Variants in PREX2 observed in about 807,000 individuals in gnomAD.
The protein encoded by PREX2 is phosphatidylinositol-3,4,5-trisphosphate dependent Rac exchange factor 2.
PREX2 carries 107 observed loss-of-function variants against 203.2 expected under a neutral mutation model. The observed-to-expected ratio is 0.53, with a 90% CI of 0.45 to 0.62. PREX2 has a LOEUF of 0.62. Among genes scored for constraint, PREX2 ranks in the 20% least tolerant of loss-of-function variants. The pLI is 0.00. For missense variants in PREX2, 1,777 were observed against 1,955.9 expected (o/e 0.91, Z 1.72); for synonymous variants, 672 against 663.6 (o/e 1.01, Z -0.19).
intron 2 of PREX2, 98 bp from the exon 3 acceptor site, chr8:68,019,451 A>T (rs1807499519): frequency 1.1e-6 from 1 of 928,662 alleles, no homozygotes; most frequent in Non-Finnish European, 1.6e-6. Flanking sequence ...GAAGGCATGG[A>T]TGTATGGTTT....
At chr8:67,971,581 A>G (rs1418116647) in intron 1 of PREX2, among the ~76,000 whole-genome samples, 1 of 152,192 alleles carries the variant, frequency 6.6e-6, no homozygotes, top group Non-Finnish European at 1.5e-5. Flanking sequence ...AGAATGAATG[A>G]TGAGAAGAGA....
intron 6 of PREX2, among the ~76,000 whole-genome samples, chr8:68,036,477 T>C (rs1199620158): frequency 6.6e-6 from 1 of 152,160 alleles, no homozygotes; most frequent in African/African-American, 2.4e-5. Context: ...CAGGGTTGGC[T>C]TATATGGGTC....
chr8:68,161,113 G>C (rs530450271), intron 35 of PREX2, among the ~76,000 whole-genome samples: 16 of 150,806 alleles, frequency 1.1e-4, no homozygotes, highest in Admixed American at 9.9e-4. Flanking sequence ...TTTTGGGGGG[G>C]GGACAGAGTC....
At chr8:68,227,377 C>T (rs1159517946) in intron 39 of PREX2, among the ~76,000 whole-genome samples, 2 of 152,110 alleles carry the variant, frequency 1.3e-5, no homozygotes, top group South Asian at 4.1e-4. Context: ...TGGTTCTTTC[C>T]TCTGAGACAG....
chr8:67,984,027 A>G (rs925129272), intron 1 of PREX2, among the ~76,000 whole-genome samples: 1 of 151,818 alleles, frequency 6.6e-6, no homozygotes, highest in Admixed American at 6.6e-5. Context: ...CATGCCTCTG[A>G]TCCTGCTATT....
chr8:68,108,199 A>G lies in PREX2; in HGVS notation c.2806A>G (p.Thr936Ala). 6.2e-7 allele frequency: 1 copy of G among 1,614,020 alleles called. No individual in the cohort carries two copies. The highest frequency in any genetic ancestry group is 8.5e-7 in the Non-Finnish European group (1 of 1,179,920). Reference protein sequence around the residue: ...SPLHSSDFCPTNCHVNVMEVS... With the variant: ...SPLHSSDFCPANCHVNVMEVS... ...ACTGCACAGCAGTGATTTCTGCCCTACCAACTGCCATGTCAATGTGATGGA... is the reference window on the plus strand; with the variant it reads ...ACTGCACAGCAGTGATTTCTGCCCTGCCAACTGCCATGTCAATGTGATGGA... The change falls in exon 24 of 40, where the codon ACC (threonine) becomes GCC (alanine). Residue 936 changes from threonine to alanine, a missense_variant. By Grantham distance (58) the Thr-to-Ala change is moderately conservative (BLOSUM62 0). Transcript: ENST00000288368.
intron 1 of PREX2, among the ~76,000 whole-genome samples, chr8:68,009,826 T>C (rs1043135916): frequency 6.6e-6 from 1 of 152,246 alleles, no homozygotes; most frequent in Non-Finnish European, 1.5e-5. Flanking sequence ...TGTAAAGAGT[T>C]GGTAGCACCT....
intron 10 of PREX2, among the ~76,000 whole-genome samples, chr8:68,056,473 G>C (rs1202682461): frequency 6.6e-6 from 1 of 152,132 alleles, no homozygotes. Flanking sequence ...GCAAGCAATA[G>C]GCAGAGAGGT....
intron 25 of PREX2, among the ~76,000 whole-genome samples, chr8:68,111,349 A>G (rs1449676837): frequency 1.3e-5 from 2 of 152,214 alleles, no homozygotes; most frequent in Admixed American, 6.5e-5. Flanking sequence ...TTGACGATCT[A>G]GCACTGCCTC....
intron 7 of PREX2, among the ~76,000 whole-genome samples, chr8:68,042,318 G>GT (rs1252066374): frequency 1.3e-5 from 2 of 152,062 alleles, no homozygotes; most frequent in East Asian, 1.9e-4. Flanking sequence ...GGAGAAACTA[G>GT]TTTTTTAAAA....
At chr8:68,090,472 C>G (rs1054312353) in intron 19 of PREX2, 107 bp from the exon 20 acceptor site, 15 of 971,768 alleles carry the variant, frequency 1.5e-5, no homozygotes, top group Non-Finnish European at 2.1e-5. Flanking sequence ...ATTATACTAG[C>G]TAGACTTTGA....
At chr8:68,119,613 G>T (rs1810726776) in intron 28 of PREX2, 99 bp downstream of exon 28, 1 of 813,214 alleles carries the variant, frequency 1.2e-6, no homozygotes, top group South Asian at 1.5e-5. Flanking sequence ...GAACAGAAAG[G>T]CCTCAATCTG....
Position 68,192,296 on chromosome 8 carries a change from AAC to A in PREX2, c.4414-37_4414-36del, listed in dbSNP as rs1245505467. ...CAACCTATCTAAAAGAATTTTACTAAACATGTTGAACTTGACGTTCATCACTT... is the reference window on the plus strand; with the variant it reads ...CAACCTATCTAAAAGAATTTTACTAAATGTTGAACTTGACGTTCATCACTT... On this transcript the variant is annotated intron_variant, in intron 36 of 39. Coordinates refer to ENST00000288368, the MANE Select transcript of PREX2 (RefSeq NM_024870.4). The A allele has an allele frequency of 2.0e-6, 3 of 1,508,526 alleles. No homozygotes were observed. In the African/African-American group the frequency reaches 4.2e-5, roughly 21 times the overall value. 93.4% of individuals were successfully genotyped at this position (1,508,526 alleles called of 1,614,324 possible).
At chr8:68,039,943 G>A (rs1808145226) in intron 7 of PREX2, among the ~76,000 whole-genome samples, 1 of 152,112 alleles carries the variant, frequency 6.6e-6, no homozygotes, top group African/African-American at 2.4e-5. Flanking sequence ...ACAGAAACCA[G>A]AGCACCTTTT....
In PREX2 at chr8:67,998,308, T is replaced by C. The variant is rs557821092; in HGVS notation, c.142-19538T>C. 9.2e-5 allele frequency among the ~76,000 whole-genome samples: 14 copies of C among 152,292 alleles called. No homozygotes were observed. The South Asian group carries it at 1.9e-3, about 20-fold the overall frequency. On this transcript the variant is annotated intron_variant, in intron 1 of 39. Coordinates refer to ENST00000288368, the MANE Select transcript of PREX2 (RefSeq NM_024870.4). ...CTCCAGTTTTTAGTGAGTCCTGCCT[T>C]ATAGTGGGGAAAGTTCTGTGTGCCC... is the stretch of plus-strand genomic sequence containing the variant.
intron 37 of PREX2, among the ~76,000 whole-genome samples, chr8:68,209,739 T>G (rs1020457094): frequency 2.0e-5 from 3 of 152,162 alleles, no homozygotes; most frequent in African/African-American, 7.2e-5. Flanking sequence ...TGATTTCCCT[T>G]TATATTTAGT....
intron 6 of PREX2, among the ~76,000 whole-genome samples, chr8:68,034,702 A>G (rs181756734): frequency 1.9e-4 from 29 of 152,194 alleles, no homozygotes; most frequent in Non-Finnish European, 2.9e-4. Context: ...TTTAAAAATT[A>G]CTTCTTGTTG....
chr8:68,121,071 C>T (rs1321145309), intron 30 of PREX2, 22 bp downstream of exon 30: 1 of 1,611,428 alleles, frequency 6.2e-7, no homozygotes, highest in East Asian at 2.2e-5. Context: ...AAGCAAAGAA[C>T]ATTGCATGAT....
intron 6 of PREX2, among the ~76,000 whole-genome samples, chr8:68,035,238 T>G (rs1807995600): frequency 6.6e-6 from 1 of 152,158 alleles, no homozygotes; most frequent in African/African-American, 2.4e-5. Context: ...AGATTTATCT[T>G]TGTAAGAATG....
Sources: allele counts gnomAD v4.1 joint callset (sites outside exome capture counted in the v4.1 genomes callset), GRCh38; gene constraint gnomAD v4.1.1; transcripts MANE v1.5; gene names NCBI Gene and HGNC (gene_info 2026-07-23, HGNC 2026-07-21).